CDH13: variants seen among roughly 807,000 people sequenced by gnomAD.
The protein encoded by CDH13 is cadherin 13, also known as cadherin-13.
In CDH13, 24 loss-of-function variants were observed where a neutral mutation model predicts 63.8. That is an observed-to-expected ratio of 0.38 (90% CI 0.27 to 0.53). The LOEUF (loss-of-function observed/expected upper bound fraction) is 0.53. CDH13 is among the 20% of genes least tolerant of loss of function. The pLI is 0.85. For synonymous variants in CDH13, 503 were observed against 355.3 expected, an observed-to-expected ratio of 1.42 and a Z score of -4.67; for missense variants, 1,049 against 903.1, an observed-to-expected ratio of 1.16 and a Z score of -2.07.
intron 1 of CDH13, among the ~76,000 whole-genome samples, chr16:82,754,384 G>C (rs973844227): frequency 2.6e-5 from 4 of 152,092 alleles, no homozygotes; most frequent in African/African-American, 7.2e-5. Context: ...GAAAATTATT[G>C]TCTCCATTTC....
At position 83,047,201 on chromosome 16, in the gene CDH13, C is replaced by T. The variant is rs74633788; in HGVS notation, c.366+14983C>T. On this transcript the variant is annotated intron_variant, in intron 3 of 13. Transcript: ENST00000567109. The surrounding 1 kb of genome is among the most constrained non-coding windows in gnomAD (Gnocchi z 4.9). ...ATAAGCAGACTTTATCTGAAGACCA[C>T]CTCCTGCCCCTCACTCTTACTCCAG... 0.012 allele frequency among the ~76,000 whole-genome samples: 1,818 copies of T among 152,280 alleles called. 14 individuals carry two copies. The highest frequency in any genetic ancestry group is 0.019 in the Non-Finnish European group (1,325 of 68,024).
At chr16:82,703,253 A>G (rs930632879) in intron 1 of CDH13, among the ~76,000 whole-genome samples, 1 of 152,124 alleles carries the variant, frequency 6.6e-6, no homozygotes, top group Admixed American at 6.5e-5. Flanking sequence ...TGTATGTAAC[A>G]CACTCAGGGC....
At chr16:82,672,923 T>C (rs1913440453) in intron 1 of CDH13, among the ~76,000 whole-genome samples, 1 of 151,428 alleles carries the variant, frequency 6.6e-6, no homozygotes, top group African/African-American at 2.4e-5. Context: ...CAAATCTTCC[T>C]TCTGCCTCAG....
chr16:82,743,295 C>G (rs1235469608), intron 1 of CDH13, among the ~76,000 whole-genome samples: 2 of 152,166 alleles, frequency 1.3e-5, no homozygotes, highest in African/African-American at 2.4e-5. Flanking sequence ...GGCACTCTCT[C>G]AGCTCACTGC....
chr16:83,553,199 C>T lies in CDH13; in HGVS notation c.961-49255C>T, dbSNP rs1043193924. 2.6e-5 allele frequency among the ~76,000 whole-genome samples: 4 copies of T among 152,234 alleles called. No homozygotes were observed. In the East Asian group the frequency reaches 7.7e-4, roughly 29 times the overall value. The stretch of plus-strand genomic sequence containing the variant: ...TGGAAACTCTAATGTAAGTTCGGAG[C>T]AGTCCTAACATTCCAAGAGTTAAAA... On this transcript the variant is annotated intron_variant, in intron 7 of 13. Coordinates refer to ENST00000567109, the MANE Select transcript of CDH13 (RefSeq NM_001257.5).
chr16:83,531,695 C>T (rs148898429), intron 7 of CDH13, among the ~76,000 whole-genome samples: 4 of 152,134 alleles, frequency 2.6e-5, no homozygotes. Flanking sequence ...GGCCACTAAC[C>T]CAGAAATGAA....
intron 5 of CDH13, among the ~76,000 whole-genome samples, chr16:83,322,108 C>T (rs1310032512): frequency 2.0e-5 from 3 of 152,134 alleles, no homozygotes; most frequent in Non-Finnish European, 4.4e-5. Context: ...GGGGCTGTTA[C>T]TAGGAAGCCC....
intron 5 of CDH13, among the ~76,000 whole-genome samples, chr16:83,224,719 T>C (rs1223756152): frequency 1.3e-5 from 2 of 152,238 alleles, no homozygotes. Context: ...TCTAATACTC[T>C]GACACCTTTA....
chr16:83,459,503 G>A (rs1306444121), intron 6 of CDH13, among the ~76,000 whole-genome samples: 2 of 152,134 alleles, frequency 1.3e-5, no homozygotes, highest in African/African-American at 2.4e-5. Flanking sequence ...TTATAAACGG[G>A]TGAAACTAAA....
chr16:82,855,478 G>C (rs965715795), intron 1 of CDH13, among the ~76,000 whole-genome samples: 1 of 152,222 alleles, frequency 6.6e-6, no homozygotes, highest in African/African-American at 2.4e-5. Flanking sequence ...GGCACTGGGT[G>C]TATGGAGGAG....
intron 10 of CDH13, among the ~76,000 whole-genome samples, chr16:83,707,970 G>A (rs1907388027): frequency 6.6e-6 from 1 of 152,046 alleles, no homozygotes; most frequent in Non-Finnish European, 1.5e-5. Flanking sequence ...AGGGGAATGG[G>A]GAGCAGCTTA....
chr16:83,255,087 G>T (rs942965947), intron 5 of CDH13, among the ~76,000 whole-genome samples: 5 of 151,946 alleles, frequency 3.3e-5, no homozygotes, highest in African/African-American at 1.2e-4. Flanking sequence ...GATGGCTCGT[G>T]AAGCAGCAGG....
chr16:83,572,612 A>T (rs1037572305), intron 7 of CDH13, among the ~76,000 whole-genome samples: 12 of 152,184 alleles, frequency 7.9e-5, no homozygotes, highest in African/African-American at 2.9e-4. Flanking sequence ...GATCCATTGA[A>T]TTGAATATTC....
At chr16:83,781,518 A>G (rs565445766) in intron 12 of CDH13, among the ~76,000 whole-genome samples, 2 of 152,166 alleles carry the variant, frequency 1.3e-5, no homozygotes, top group East Asian at 3.9e-4. Context: ...TCTCATATCT[A>G]TTGTTATAGC....
intron 4 of CDH13, among the ~76,000 whole-genome samples, chr16:83,137,752 T>C (rs1273701789): frequency 6.6e-6 from 1 of 152,278 alleles, no homozygotes; most frequent in African/African-American, 2.4e-5. Flanking sequence ...GCAGTGGGGA[T>C]GGACTGGCCT....
chr16:83,355,074 G>T (rs2091026706), intron 6 of CDH13, among the ~76,000 whole-genome samples: 1 of 152,112 alleles, frequency 6.6e-6, no homozygotes, highest in South Asian at 2.1e-4. Context: ...GAAGCCCTTG[G>T]GTGGTTTTAA....
chr16:83,427,669 C>T (rs1488663855), intron 6 of CDH13, among the ~76,000 whole-genome samples: 2 of 152,050 alleles, frequency 1.3e-5, no homozygotes, highest in African/African-American at 4.8e-5. Context: ...GATTATGGTG[C>T]CTTGTGCCTT....
intron 6 of CDH13, among the ~76,000 whole-genome samples, chr16:83,444,025 C>T (rs2130159): frequency 0.3 from 44,521 of 149,850 alleles, 9,962 homozygotes; most frequent in African/African-American, 0.6. Flanking sequence ...AAGGTGATGG[C>T]GATGATCATG....
chr16:83,175,706 G>C (rs921950007), intron 4 of CDH13, among the ~76,000 whole-genome samples: 6 of 152,014 alleles, frequency 3.9e-5, no homozygotes, highest in East Asian at 1.9e-4. Flanking sequence ...CTGGCAGCCA[G>C]ATGAGTCACC....
Sources: allele counts gnomAD v4.1 joint callset (sites outside exome capture counted in the v4.1 genomes callset), GRCh38; gene constraint gnomAD v4.1.1; non-coding constraint Gnocchi (gnomAD v3.1); transcripts MANE v1.5; gene names NCBI Gene and HGNC (gene_info 2026-07-23, HGNC 2026-07-21).